ADORA2A: variants seen among roughly 807,000 people sequenced by gnomAD.
The protein encoded by ADORA2A is adenosine receptor A2a.
A neutral mutation model predicts 18.4 loss-of-function variants in ADORA2A; 11 were observed. That is an observed-to-expected ratio of 0.60 (90% CI 0.38 to 0.99). The LOEUF is 0.99. Ranked by LOEUF, ADORA2A falls within the 50% of genes least tolerant of loss-of-function variation. The pLI, the probability that ADORA2A is intolerant of heterozygous loss-of-function variation, is 0.01. For missense variants in ADORA2A, 449 were observed against 556.1 expected (o/e 0.81, Z 1.94); for synonymous variants, 218 against 237.3 (o/e 0.92, Z 0.75).
rs2043341146 is a variant in ADORA2A, at chr22:24,441,429, G to A, written c.1179G>A (p.Val393=). 2 of 1,531,358 alleles carry A rather than the reference G, an allele frequency of 1.3e-6. No homozygotes were observed. Among genetic ancestry groups the A allele is most frequent in the Non-Finnish European group, 1.8e-6 (2 of 1,141,932 alleles). The allele number at this position is 1,531,358 out of a possible 1,614,324, so 94.9% of individuals were successfully genotyped here. A position where few individuals can be genotyped will look rare whatever the true frequency, so the allele number is the denominator to read the frequency against. Residue 393 remains valine, a synonymous_variant, in exon 3 of 3, where the codon GTG becomes GTA. Transcript: ENST00000337539. ...VELLSHELKG[V]CPEPPGLDDP... The stretch of plus-strand genomic sequence containing the variant: ...TCCTTAGCCATGAGCTCAAGGGAGT[G>A]TGCCCAGAGCCCCCTGGCCTAGATG...
At chr22:24,424,816 A>G (rs528512986), upstream of ADORA2A, among the ~76,000 whole-genome samples, 337 of 152,230 alleles carry the variant, frequency 2.2e-3, 1 homozygote, top group Non-Finnish European at 4.0e-3. The surrounding 1 kb of genome is among the most constrained non-coding windows in gnomAD (Gnocchi z 4.9). Flanking sequence ...AGGCGGCCCA[A>G]GGGCTTGAGG....
intron 2 of ADORA2A, among the ~76,000 whole-genome samples, chr22:24,436,285 T>A (rs1299526415): frequency 6.6e-6 from 1 of 152,088 alleles, no homozygotes; most frequent in Non-Finnish European, 1.5e-5. Flanking sequence ...GGATCCTCCC[T>A]CCTCCTTTCT....
chr22:24,438,219 T>C (rs2043226492), intron 2 of ADORA2A: 1 of 152,264 alleles, frequency 6.6e-6, no homozygotes, highest in South Asian at 2.1e-4. Context: ...GGCAGAGTGC[T>C]GACAGGTCCA....
intron 2 of ADORA2A, among the ~76,000 whole-genome samples, chr22:24,434,338 A>C (rs1314225137): frequency 6.6e-6 from 1 of 152,206 alleles, no homozygotes; most frequent in Non-Finnish European, 1.5e-5. Flanking sequence ...TCCTCAAGTC[A>C]CCAAGGACTC....
chr22:24,436,775 C>T (rs1435213639), intron 2 of ADORA2A, among the ~76,000 whole-genome samples: 5 of 152,120 alleles, frequency 3.3e-5, no homozygotes, highest in African/African-American at 1.2e-4. Flanking sequence ...GAGGTGTCAC[C>T]CAGTGGGTCT....
upstream of ADORA2A, among the ~76,000 whole-genome samples, chr22:24,424,222 C>T (rs576706393): frequency 1.5e-4 from 23 of 152,044 alleles, no homozygotes; most frequent in African/African-American, 2.7e-4. This position sits in a 1 kb window ranked among gnomAD's most constrained non-coding sequence, Gnocchi z 4.9. Flanking sequence ...ACGTCCCAGG[C>T]GCAGTTGCGG....
At chr22:24,423,726 C>T (rs1353160491), upstream of ADORA2A, 1 of 152,152 alleles carries the variant, frequency 6.6e-6, no homozygotes, top group Non-Finnish European at 1.5e-5. Flanking sequence ...CCAGGCCCGT[C>T]GCGGCCTCGT....
upstream of ADORA2A, among the ~76,000 whole-genome samples, chr22:24,425,337 A>AGGGG: frequency 1.2e-5 from 1 of 82,358 alleles, no homozygotes; most frequent in Admixed American, 1.3e-4. Flanking sequence ...TGTGGGCAGC[A>AGGGG]CCCCCCCCCC....
At position 24,433,178 on chromosome 22, in the gene ADORA2A, G is replaced by C. The variant is rs2043084326; in HGVS notation, c.-227G>C. On this transcript the variant is annotated 5_prime_UTR_variant, in exon 2 of 3. Coordinates refer to ENST00000337539, the MANE Select transcript of ADORA2A (RefSeq NM_000675.6). ...GGGCTGAGCCATGATGCTGCTGCCAGAACCCCTGCAGAGGGCCTGGTTTCA... is the reference window on the plus strand; with the variant it reads ...GGGCTGAGCCATGATGCTGCTGCCACAACCCCTGCAGAGGGCCTGGTTTCA... The C allele has an allele frequency of 1.7e-6, 1 of 589,642 alleles. No homozygotes were observed. The highest frequency in any genetic ancestry group is 3.0e-5 in the Admixed American group (1 of 33,234). The allele number at this position is 589,642 out of a possible 1,614,324, so 36.5% of individuals were successfully genotyped here. A position where few individuals can be genotyped will look rare whatever the true frequency, so the allele number is the denominator to read the frequency against.
Position 24,441,572 on chromosome 22 carries a change from A to G in ADORA2A, c.*83A>G. On this transcript the variant is annotated 3_prime_UTR_variant, in exon 3 of 3. Coordinates refer to ENST00000337539, the MANE Select transcript of ADORA2A (RefSeq NM_000675.6). ...TTGACCAGTCACGTTGGGAGAAGAG[A>G]GAGAGTGCCAGGAGACCCTGAGGGC... 8 of 1,361,340 alleles carry G rather than the reference A, an allele frequency of 5.9e-6. No individual in the cohort carries two copies. In the South Asian group the frequency reaches 1.5e-4, roughly 25 times the overall value. 84.3% of individuals were successfully genotyped at this position (1,361,340 alleles called of 1,614,324 possible).
chr22:24,428,549 C>T (rs1418014928), intron 1 of ADORA2A, among the ~76,000 whole-genome samples: 6 of 152,218 alleles, frequency 3.9e-5, no homozygotes, highest in Non-Finnish European at 8.8e-5. Context: ...TTCTTGTCTA[C>T]GGATGCCATT....
upstream of ADORA2A, among the ~76,000 whole-genome samples, chr22:24,424,967 G>A (rs1437690356): frequency 1.3e-5 from 2 of 152,114 alleles, no homozygotes; most frequent in East Asian, 1.9e-4. The surrounding 1 kb of genome is among the most constrained non-coding windows in gnomAD (Gnocchi z 4.9). Flanking sequence ...AAGACGCGCA[G>A]GTGTTTGTGG....
rs1390389374 is a variant in ADORA2A at position 24,441,130 on chromosome 22, G to C, written c.880G>C (p.Glu294Gln). Reference protein sequence around the residue: ...NPFIYAYRIREFRQTFRKIIR... With the variant: ...NPFIYAYRIRQFRQTFRKIIR... Reference sequence around the variant, plus strand: ...CTTCATCTACGCCTACCGTATCCGCGAGTTCCGCCAGACCTTCCGCAAGAT... The same window carrying C: ...CTTCATCTACGCCTACCGTATCCGCCAGTTCCGCCAGACCTTCCGCAAGAT... Residue 294 changes from glutamate (E) to glutamine (Q), a missense_variant, in exon 3 of 3, where the codon GAG becomes CAG. Coordinates refer to ENST00000337539, the MANE Select transcript of ADORA2A (RefSeq NM_000675.6). The C allele has an allele frequency of 6.2e-7, 1 of 1,614,146 alleles. No individual in the cohort carries two copies. Among genetic ancestry groups the C allele is most frequent in the African/African-American group, 1.3e-5 (1 of 75,048 alleles).
At chr22:24,431,419 G>C (rs907697990) in intron 1 of ADORA2A, 3 of 456,658 alleles carry the variant, frequency 6.6e-6, no homozygotes, top group Non-Finnish European at 1.3e-5. Flanking sequence ...GACAGCATTG[G>C]AGTTGGAGGG....
rs200750556 is a variant in ADORA2A at position 24,441,560 on chromosome 22, T to C, written c.*71T>C. ...TTTCTGGTTGGCTTGACCAGTCACGTTGGGAGAAGAGAGAGAGTGCCAGGA... is the reference window on the plus strand; with the variant it reads ...TTTCTGGTTGGCTTGACCAGTCACGCTGGGAGAAGAGAGAGAGTGCCAGGA... On this transcript the variant is annotated 3_prime_UTR_variant, in exon 3 of 3. Transcript: ENST00000337539. The C allele has an allele frequency of 1.8e-3, 2,530 of 1,408,500 alleles. 31 individuals are homozygous for C. The highest frequency in any genetic ancestry group is 1.0e-3 in the Non-Finnish European group (1,093 of 1,075,268). 87.3% of individuals were successfully genotyped at this position (1,408,500 alleles called of 1,614,324 possible).
At position 24,433,748 on chromosome 22, in the gene ADORA2A, C is replaced by T. The variant is rs201670187; in HGVS notation, c.332+12C>T. 9.9e-5 allele frequency: 158 copies of T among 1,599,232 alleles called. No homozygotes were observed. The highest frequency in any genetic ancestry group is 1.2e-4 in the Non-Finnish European group (146 of 1,178,024). On this transcript the variant is annotated intron_variant, in intron 2 of 2. Coordinates refer to ENST00000337539, the MANE Select transcript of ADORA2A (RefSeq NM_000675.6). ...CGCATCCCGCTCCGGTGAGCAGGGC[C>T]GGGGTTACATCTGTGCAAAGGCTGT...
chr22:24,434,250 G>A (rs2043120316), intron 2 of ADORA2A, among the ~76,000 whole-genome samples: 1 of 152,194 alleles, frequency 6.6e-6, no homozygotes, highest in Non-Finnish European at 1.5e-5. Context: ...TGCACATTAG[G>A]AAAATGACCC....
At chr22:24,431,341 CAGG>C (rs1473256858) in intron 1 of ADORA2A, 4 of 456,560 alleles carry the variant, frequency 8.8e-6, no homozygotes, top group Admixed American at 4.7e-5. Context: ...CTGCTGGGTG[CAGG>C]AGAACCTCCA....
chr22:24,430,535 C>G (rs577707974), intron 1 of ADORA2A, among the ~76,000 whole-genome samples: 92 of 152,332 alleles, frequency 6.0e-4, no homozygotes, highest in African/African-American at 2.1e-3. Context: ...GAAGCCTTGC[C>G]AAACAGAGGC....
Sources: allele counts gnomAD v4.1 joint callset (sites outside exome capture counted in the v4.1 genomes callset), GRCh38; gene constraint gnomAD v4.1.1; non-coding constraint Gnocchi (gnomAD v3.1); transcripts MANE v1.5; gene names NCBI Gene and HGNC (gene_info 2026-07-23, HGNC 2026-07-21).